Variants in DUSP16 observed in about 807,000 individuals in gnomAD.
DUSP16 encodes the protein dual specificity phosphatase 16.
Under a neutral mutation model 58.3 loss-of-function variants are expected in DUSP16, and 21 were observed. The observed-to-expected ratio is 0.36, with a 90% CI of 0.26 to 0.52. DUSP16 has a LOEUF of 0.52. Ranked by LOEUF, DUSP16 falls within the 20% of genes least tolerant of loss-of-function variation. The pLI is 0.94. For synonymous variants in DUSP16, 320 were observed against 323.8 expected (o/e 0.99, Z 0.12); for missense variants, 726 against 819.0 (o/e 0.89, Z 1.39).
intron 1 of DUSP16, among the ~76,000 whole-genome samples, chr12:12,522,348 C>T (rs2136233635): frequency 6.6e-6 from 1 of 152,280 alleles, no homozygotes; most frequent in East Asian, 1.9e-4. Flanking sequence ...CATAGAGAGC[C>T]CTTAAAGCTG....
At chr12:12,498,399 A>ATTTTTTAT (rs1555165162) in intron 4 of DUSP16, among the ~76,000 whole-genome samples, 1 of 146,668 alleles carries the variant, frequency 6.8e-6, no homozygotes, top group South Asian at 2.1e-4. Context: ...TTTATTTTTT[A>ATTTTTTAT]TTATTTATTT....
chr12:12,544,582 A>G (rs1026145777), intron 1 of DUSP16, among the ~76,000 whole-genome samples: 3 of 152,070 alleles, frequency 2.0e-5, no homozygotes, highest in African/African-American at 7.2e-5. Context: ...GAATCCATAC[A>G]TGAGGGTTCT....
chr12:12,505,440 G>T (rs1169104637), intron 3 of DUSP16, among the ~76,000 whole-genome samples: 3 of 152,214 alleles, frequency 2.0e-5, no homozygotes, highest in Admixed American at 6.5e-5. Flanking sequence ...TCTCTTTAAA[G>T]GCAATTTCAC....
At position 12,519,139 on chromosome 12, in the gene DUSP16, C is replaced by T. The variant is rs554044721; in HGVS notation, c.367+723G>A. Among the ~76,000 whole-genome samples, 111 of 152,262 alleles carry T rather than the reference C, an allele frequency of 7.3e-4. 1 individual carries two copies. The highest frequency in any genetic ancestry group is 1.4e-3 in the Non-Finnish European group (95 of 68,020). ...AGGGAAAGGATTTTCATTTGCAAAA[C>T]GAGAAGCAAAGGATGAATAGCCTTC... On this transcript the variant is annotated intron_variant, in intron 3 of 6. Coordinates refer to ENST00000298573, the MANE Select transcript of DUSP16 (RefSeq NM_030640.3).
rs1944234880 is a variant in DUSP16, at chr12:12,521,375, C to G, written c.-277G>C. On this transcript the variant is annotated 5_prime_UTR_variant, in exon 2 of 7. Transcript: ENST00000298573. Reference sequence around the variant, plus strand: ...AGAGATGACTGGAATAACCATTCCACAACAAAAGATGCTTTGGAGCAGCCA... The same window carrying G: ...AGAGATGACTGGAATAACCATTCCAGAACAAAAGATGCTTTGGAGCAGCCA... The G allele has an allele frequency of 4.5e-6, 6 of 1,318,822 alleles. 1 individual carries two copies. In the South Asian group the frequency reaches 1.0e-4, roughly 22 times the overall value. 81.7% of individuals were successfully genotyped at this position (1,318,822 alleles called of 1,614,324 possible). A position where few individuals can be genotyped will look rare whatever the true frequency, so the allele number is the denominator to read the frequency against.
At chr12:12,512,333 G>T (rs1944091048) in intron 3 of DUSP16, among the ~76,000 whole-genome samples, 1 of 151,980 alleles carries the variant, frequency 6.6e-6, no homozygotes, top group Non-Finnish European at 1.5e-5. Flanking sequence ...TTTTTGTTGT[G>T]GTGAGAACAC....
chr12:12,502,529 A>ATTTCC (rs1442296653), intron 3 of DUSP16, among the ~76,000 whole-genome samples: 8 of 150,590 alleles, frequency 5.3e-5, no homozygotes, highest in Non-Finnish European at 1.2e-4. Context: ...GGATACCTGC[A>ATTTCC]CCTTACAGTT....
chr12:12,480,404 C>G (rs894013528), intron 5 of DUSP16, 58 bp from the exon 6 acceptor site: 3 of 1,581,314 alleles, frequency 1.9e-6, no homozygotes, highest in African/African-American at 2.7e-5. Context: ...GCAGTGAAAT[C>G]TTGTTTCCAT....
In DUSP16 at chr12:12,477,927, T is replaced by A. The variant is rs998597896; in HGVS notation, c.904A>T (p.Thr302Ser). ...TTGCTCTTTGGCCCTGATGCTCCAG[T>A]CTGGTTCTTAATCTTCTTCTCATAG... ...LDYEKKIKNQTGASGPKSKLK... is the reference protein window; with the variant it reads ...LDYEKKIKNQSGASGPKSKLK... The change falls in exon 7 of 7, where the codon ACT (threonine) becomes TCT (serine). Residue 302 changes from threonine (T) to serine (S), a missense_variant. Coordinates refer to ENST00000298573, the MANE Select transcript of DUSP16 (RefSeq NM_030640.3). This position sits in a 1 kb window ranked among gnomAD's most constrained non-coding sequence, Gnocchi z 4.1. 1 of 1,614,204 alleles carries A rather than the reference T, an allele frequency of 6.2e-7. No homozygotes were observed. The highest frequency in any genetic ancestry group is 1.7e-5 in the Admixed American group (1 of 60,036).
intron 3 of DUSP16, among the ~76,000 whole-genome samples, chr12:12,509,898 C>T (rs999980584): frequency 2.6e-5 from 4 of 151,970 alleles, no homozygotes; most frequent in African/African-American, 9.7e-5. Context: ...ACCACAATGC[C>T]CCAGAAGACT....
chr12:12,525,757 CACACAA>C (rs1944297385), intron 1 of DUSP16, among the ~76,000 whole-genome samples: 1 of 150,852 alleles, frequency 6.6e-6, no homozygotes, highest in South Asian at 2.2e-4. Context: ...CACACACACA[CACACAA>C]TTTTCCCCCC....
intron 3 of DUSP16, among the ~76,000 whole-genome samples, chr12:12,510,035 T>C (rs1334283529): frequency 6.6e-6 from 1 of 152,208 alleles, no homozygotes; most frequent in Non-Finnish European, 1.5e-5. Context: ...ACTATGATTC[T>C]GCTGTATCCA....
chr12:12,480,466 G>A (rs1420384950), intron 5 of DUSP16, 120 bp from the exon 6 acceptor site: 3 of 1,159,534 alleles, frequency 2.6e-6, no homozygotes, highest in African/African-American at 1.6e-5. Context: ...TCTCATCTGT[G>A]TATATCATAT....
chr12:12,483,971 TAAATAA>T (rs899571216), intron 5 of DUSP16, among the ~76,000 whole-genome samples: 25 of 151,638 alleles, frequency 1.6e-4, no homozygotes, highest in South Asian at 1.2e-3. Context: ...AGTATAATAA[TAAATAA>T]AAATAAAAAA....
chr12:12,516,311 GAT>G (rs2136228339), intron 3 of DUSP16, among the ~76,000 whole-genome samples: 1 of 152,258 alleles, frequency 6.6e-6, no homozygotes, highest in Admixed American at 6.5e-5. Context: ...AGCTGCTACT[GAT>G]ATTAAACCCT....
intron 4 of DUSP16, among the ~76,000 whole-genome samples, chr12:12,497,051 G>A (rs1565993736): frequency 6.6e-6 from 1 of 152,168 alleles, no homozygotes; most frequent in Non-Finnish European, 1.5e-5. Context: ...ATTGAGATGT[G>A]CTGTAAGTAT....
intron 3 of DUSP16, among the ~76,000 whole-genome samples, chr12:12,518,337 A>T (rs937906114): frequency 2.0e-5 from 3 of 152,144 alleles, no homozygotes; most frequent in African/African-American, 7.2e-5. Flanking sequence ...AACATGGTGA[A>T]ACCCGGTCTC....
intron 1 of DUSP16, among the ~76,000 whole-genome samples, chr12:12,547,447 CAAAA>C (rs1289388686): frequency 1.5e-4 from 10 of 66,248 alleles, no homozygotes; most frequent in African/African-American, 2.4e-4. Flanking sequence ...AACAAACAAA[CAAAA>C]AAAAGCAAAA....
At position 12,476,628 on chromosome 12, in the gene DUSP16, T is replaced by G; in HGVS notation, c.*205A>C. On this transcript the variant is annotated 3_prime_UTR_variant, in exon 7 of 7. Transcript: ENST00000298573. ...GGGATTCTAGCATCTGCCCTTCCAT[T>G]TTTGTTGAGAGAAGTATTAGCTGAT... 2 of 490,828 alleles carry G rather than the reference T, an allele frequency of 4.1e-6. No individual in the cohort carries two copies. Among genetic ancestry groups the G allele is most frequent in the Non-Finnish European group, 7.1e-6 (2 of 283,214 alleles). 30.4% of individuals were successfully genotyped at this position (490,828 alleles called of 1,614,324 possible). A position where few individuals can be genotyped will look rare whatever the true frequency, so the allele number is the denominator to read the frequency against.
Sources: allele counts gnomAD v4.1 joint callset (sites outside exome capture counted in the v4.1 genomes callset), GRCh38; gene constraint gnomAD v4.1.1; non-coding constraint Gnocchi (gnomAD v3.1); transcripts MANE v1.5; gene names NCBI Gene and HGNC (gene_info 2026-07-23, HGNC 2026-07-21).